Variants in COL28A1 observed in about 807,000 individuals in gnomAD.
The protein encoded by COL28A1 is collagen type XXVIII alpha 1 chain.
A neutral mutation model predicts 150.2 loss-of-function variants in COL28A1; 161 were observed. The observed-to-expected ratio is 1.07, with a 90% CI of 0.94 to 1.22. The LOEUF (loss-of-function observed/expected upper bound fraction) is 1.22. Ranked by LOEUF, COL28A1 falls within the 50% of genes most tolerant of loss-of-function variation. The pLI is 0.00. For missense variants in COL28A1, 1,617 were observed against 1,388.3 expected (o/e 1.16, Z -2.62); for synonymous variants, 552 against 469.7 (o/e 1.18, Z -2.26).
intron 27 of COL28A1, among the ~76,000 whole-genome samples, chr7:7,404,430 C>T (rs968110728): frequency 6.6e-6 from 1 of 152,102 alleles, no homozygotes; most frequent in African/African-American, 2.4e-5. Flanking sequence ...GCCTATGTGG[C>T]TATAGGCCCA....
At chr7:7,379,902 G>T (rs186613543) in intron 30 of COL28A1, among the ~76,000 whole-genome samples, 1 of 152,308 alleles carries the variant, frequency 6.6e-6, no homozygotes, top group Non-Finnish European at 1.5e-5. Flanking sequence ...CACATGTGCA[G>T]TTCTGTTGGT....
chr7:7,383,250 T>TGTG (rs779270093), intron 27 of COL28A1, among the ~76,000 whole-genome samples: 5 of 107,210 alleles, frequency 4.7e-5, no homozygotes, highest in South Asian at 7.2e-4. Flanking sequence ...CTTTTTTTTG[T>TGTG]TGTGTGTGTG....
intron 33 of COL28A1, among the ~76,000 whole-genome samples, chr7:7,362,052 G>A (rs925793351): frequency 1.1e-4 from 16 of 152,268 alleles, no homozygotes; most frequent in African/African-American, 3.6e-4. Flanking sequence ...CTAGGGCAAG[G>A]AAAGCATTAG....
rs780413225 is a variant in COL28A1 at position 7,375,520 on chromosome 7, T to C, written c.2323-23A>G. The C allele has an allele frequency of 4.9e-6, 7 of 1,436,222 alleles. No individual in the cohort carries two copies. In the Admixed American group the frequency reaches 1.0e-4, roughly 21 times the overall value. 89.0% of individuals were successfully genotyped at this position (1,436,222 alleles called of 1,614,324 possible). On this transcript the variant is annotated intron_variant, in intron 30 of 34. Transcript: ENST00000399429. ...TTTCTAGGGGATAAAAAGAAAAATGTATTACTATATGTATGACTATAATAT... is the reference window on the plus strand; with the variant it reads ...TTTCTAGGGGATAAAAAGAAAAATGCATTACTATATGTATGACTATAATAT...
chr7:7,372,058 C>T (rs960425795), intron 32 of COL28A1, among the ~76,000 whole-genome samples: 1 of 152,000 alleles, frequency 6.6e-6, no homozygotes, highest in Non-Finnish European at 1.5e-5. Context: ...GTCTCTAACT[C>T]CTGACCTCGT....
At chr7:7,520,304 T>C (rs1321436621) in intron 5 of COL28A1, among the ~76,000 whole-genome samples, 189 bp from the exon 6 acceptor site, 2 of 152,200 alleles carry the variant, frequency 1.3e-5, no homozygotes, top group African/African-American at 2.4e-5. Flanking sequence ...AATTGGCAGA[T>C]TTTCTAGATT....
At chr7:7,477,988 T>C (rs536469128) in intron 13 of COL28A1, among the ~76,000 whole-genome samples, 1 of 152,294 alleles carries the variant, frequency 6.6e-6, no homozygotes, top group Non-Finnish European at 1.5e-5. Context: ...CTAGATTAGC[T>C]AGATACAGAG....
intron 7 of COL28A1, among the ~76,000 whole-genome samples, chr7:7,516,229 T>C (rs7778417): frequency 0.02 from 3,080 of 152,358 alleles, 101 homozygotes; most frequent in African/African-American, 0.07. Flanking sequence ...GAATGTTTCA[T>C]AGAGACTCTG....
intron 18 of COL28A1, among the ~76,000 whole-genome samples, chr7:7,449,188 A>T (rs963935487): frequency 6.6e-6 from 1 of 152,142 alleles, no homozygotes; most frequent in African/African-American, 2.4e-5. Context: ...CAGTTGAATG[A>T]TCATCATAAA....
At chr7:7,416,205 G>C (rs531490622) in intron 27 of COL28A1, among the ~76,000 whole-genome samples, 3 of 152,354 alleles carry the variant, frequency 2.0e-5, no homozygotes, top group African/African-American at 7.2e-5. Flanking sequence ...TGATAAGATG[G>C]GATACGTGGC....
chr7:7,515,864 G>A (rs751979309), intron 7 of COL28A1, 24 bp from the exon 8 acceptor site: 7 of 933,406 alleles, frequency 7.5e-6, no homozygotes, highest in Non-Finnish European at 8.9e-6. Context: ...AAAATAAAAA[G>A]TAAAATATGA....
intron 3 of COL28A1, among the ~76,000 whole-genome samples, chr7:7,529,365 T>C (rs1160956448): frequency 6.6e-6 from 1 of 151,828 alleles, no homozygotes; most frequent in East Asian, 1.9e-4. Context: ...TGGTATACCA[T>C]TCTTTGAAGA....
rs1480333358 is a variant in COL28A1 at position 7,426,297 on chromosome 7, C to G, written c.1998+6176G>C. Among the ~76,000 whole-genome samples the G allele has an allele frequency of 2.0e-5, 3 of 152,192 alleles. No homozygotes were observed. The East Asian group carries it at 5.8e-4, about 29-fold the overall frequency. On this transcript the variant is annotated intron_variant, in intron 25 of 34. Transcript: ENST00000399429. Reference sequence around the variant, plus strand: ...TTTAAATAAAATTAAGATATAACTACTCCAACTACCACAAACATAGGCAGA... The same window carrying G: ...TTTAAATAAAATTAAGATATAACTAGTCCAACTACCACAAACATAGGCAGA...
intron 21 of COL28A1, among the ~76,000 whole-genome samples, chr7:7,440,265 G>C (rs1337199801): frequency 6.6e-6 from 1 of 152,102 alleles, no homozygotes; most frequent in South Asian, 2.1e-4. Context: ...CTATATACCA[G>C]GAAATGTGCT....
At chr7:7,517,094 C>G (rs1222521649) in intron 7 of COL28A1, among the ~76,000 whole-genome samples, 1 of 152,050 alleles carries the variant, frequency 6.6e-6, no homozygotes, top group Non-Finnish European at 1.5e-5. Flanking sequence ...TTCCTGAACA[C>G]AAATTTCAGA....
chr7:7,388,955 A>G (rs1782368105), intron 27 of COL28A1, among the ~76,000 whole-genome samples: 1 of 151,912 alleles, frequency 6.6e-6, no homozygotes, highest in Non-Finnish European at 1.5e-5. Context: ...TTGCCTGTTC[A>G]CTCTGATGAT....
rs746981344 is a variant in COL28A1 at position 7,471,125 on chromosome 7, TAAA to T, written c.1302+3473_1302+3475del. Among the ~76,000 whole-genome samples the T allele has an allele frequency of 2.0e-4, 18 of 88,508 alleles. 1 individual carries two copies. In the East Asian group the frequency reaches 5.1e-3, roughly 25 times the overall value. 58.1% of individuals were successfully genotyped at this position (88,508 alleles called of 152,430 possible). ...TTAGAGTATAATAAAAAAAAATAAT[TAAA>T]AAAAAAAAAAAAAAAAGAAAAGATA... On this transcript the variant is annotated intron_variant, in intron 15 of 34. Transcript: ENST00000399429.
rs1225261646 is a variant in COL28A1 at position 7,436,378 on chromosome 7, A to G, written c.1860+17T>C. 2.6e-6 allele frequency: 3 copies of G among 1,156,072 alleles called. No individual in the cohort carries two copies. The Admixed American group carries it at 5.1e-5, about 20-fold the overall frequency. 71.6% of individuals were successfully genotyped at this position (1,156,072 alleles called of 1,614,324 possible). A position where few individuals can be genotyped will look rare whatever the true frequency, so the allele number is the denominator to read the frequency against. Reference sequence around the variant, plus strand: ...TTTCAGATACAGAAAAACAAAAAGAACATGAATAAAGCATACCTTTGGTCC... The same window carrying G: ...TTTCAGATACAGAAAAACAAAAAGAGCATGAATAAAGCATACCTTTGGTCC... On this transcript the variant is annotated intron_variant, in intron 23 of 34. Transcript: ENST00000399429.
At chr7:7,434,517 C>A (rs1203405951) in intron 23 of COL28A1, among the ~76,000 whole-genome samples, 1 of 152,186 alleles carries the variant, frequency 6.6e-6, no homozygotes, top group Non-Finnish European at 1.5e-5. Context: ...AAATTGGAAT[C>A]AAAATTTACT....
Sources: allele counts gnomAD v4.1 joint callset (sites outside exome capture counted in the v4.1 genomes callset), GRCh38; gene constraint gnomAD v4.1.1; transcripts MANE v1.5; gene names NCBI Gene and HGNC (gene_info 2026-07-23, HGNC 2026-07-21).